The following NYAP2 variants were observed in gnomAD, a reference collection of about 807,000 sequenced individuals.
NYAP2 encodes the protein neuronal tyrosine-phosphorylated phosphoinositide-3-kinase adaptor 2.
In NYAP2, 23 loss-of-function variants were observed where a neutral mutation model predicts 50.4. The observed-to-expected ratio is 0.46, with a 90% CI of 0.33 to 0.65. NYAP2 has a LOEUF of 0.65. NYAP2 is among the 30% of genes least tolerant of loss of function. The pLI, the probability that NYAP2 is intolerant of heterozygous loss-of-function variation, is 0.02. For missense variants in NYAP2, 885 were observed against 861.0 expected (o/e 1.03, Z -0.35); for synonymous variants, 394 against 365.2 (o/e 1.08, Z -0.90).
the NYAP2 span, among the ~76,000 whole-genome samples, chr2:225,692,142 A>C: frequency 6.6e-6 from 1 of 152,140 alleles, no homozygotes; most frequent in African/African-American, 2.4e-5. Flanking sequence ...TTGATAAATT[A>C]TTGTTTTTCA....
Position 225,533,702 on chromosome 2 carries a change from A to G in NYAP2, c.523+20030A>G, listed in dbSNP as rs560136956. On this transcript the variant is annotated intron_variant, in intron 4 of 6. Transcript: ENST00000636099. ...AGACTCTGTCTCAAAAAAAAAAAGTACATAGAAATGAAATTCAAATTAGAG... is the reference window on the plus strand; with the variant it reads ...AGACTCTGTCTCAAAAAAAAAAAGTGCATAGAAATGAAATTCAAATTAGAG... Among the ~76,000 whole-genome samples the G allele has an allele frequency of 7.2e-5, 11 of 152,190 alleles. No homozygotes were observed. The South Asian group carries it at 8.3e-4, about 11-fold the overall frequency.
At chr2:225,655,394 G>A (rs1029058153), downstream of NYAP2, among the ~76,000 whole-genome samples, 3 of 152,114 alleles carry the variant, frequency 2.0e-5, no homozygotes, top group South Asian at 2.1e-4. Context: ...ATGCAGCCAC[G>A]TTTCTGCATT....
chr2:225,489,476 G>A (rs1455013679), intron 3 of NYAP2, among the ~76,000 whole-genome samples: 1 of 152,094 alleles, frequency 6.6e-6, no homozygotes, highest in East Asian at 1.9e-4. Flanking sequence ...GAGATTACAG[G>A]TGTGAGTCAT....
intron 3 of NYAP2, among the ~76,000 whole-genome samples, chr2:225,470,987 A>C (rs553533799): frequency 3.9e-5 from 6 of 152,236 alleles, no homozygotes; most frequent in African/African-American, 1.2e-4. Flanking sequence ...GCAATGTAAA[A>C]AAGATGCTAA....
intron 4 of NYAP2, among the ~76,000 whole-genome samples, chr2:225,561,986 A>G (rs1218956597): frequency 6.6e-6 from 1 of 151,982 alleles, no homozygotes; most frequent in African/African-American, 2.4e-5. Flanking sequence ...AAAGTTCTGG[A>G]CCTAACTGGA....
At chr2:225,652,788 C>T (rs1295527266) in exon 7 of NYAP2, 1 of 152,122 alleles carries the variant, frequency 6.6e-6, no homozygotes, top group Non-Finnish European at 1.5e-5. Flanking sequence ...ATTTTAAAAA[C>T]ATAACTAAGT....
At chr2:225,658,091 A>G (rs576900279), downstream of NYAP2, among the ~76,000 whole-genome samples, 20 of 152,312 alleles carry the variant, frequency 1.3e-4, 1 homozygote, top group East Asian at 3.1e-3. Context: ...TTGTATGCTC[A>G]TGATTACACC....
intron 4 of NYAP2, among the ~76,000 whole-genome samples, chr2:225,573,448 C>A (rs750944936): frequency 2.2e-4 from 33 of 152,034 alleles, no homozygotes; most frequent in Admixed American, 7.9e-4. Context: ...GACGGGGTTT[C>A]ACTATGTTGG....
At chr2:225,454,337 CAAAACA>C (rs951264184) in intron 3 of NYAP2, among the ~76,000 whole-genome samples, 8 of 151,920 alleles carry the variant, frequency 5.3e-5, no homozygotes, top group African/African-American at 1.5e-4. Flanking sequence ...TCTCAAAAAA[CAAAACA>C]AAAACAAAAA....
chr2:225,507,938 G>T (rs558765160), intron 3 of NYAP2, among the ~76,000 whole-genome samples: 1 of 152,202 alleles, frequency 6.6e-6, no homozygotes, highest in Non-Finnish European at 1.5e-5. Flanking sequence ...ATAACTCCAT[G>T]ATTCCAGTGC....
At chr2:225,436,734 A>T in intron 3 of NYAP2, among the ~76,000 whole-genome samples, 1 of 137,836 alleles carries the variant, frequency 7.3e-6, no homozygotes. Context: ...TTTCTTCTGT[A>T]TAGTCAAAAA....
rs553779491 is a variant in NYAP2, at chr2:225,436,438, C to T, written c.221+27337C>T. 6.6e-5 allele frequency among the ~76,000 whole-genome samples: 10 copies of T among 152,298 alleles called. No individual in the cohort carries two copies. In the South Asian group the frequency reaches 2.1e-3, roughly 32 times the overall value. ...GTTTGTGGAAGCATCACTCTGATCTCTGGTTTCATCTTTACCTGGCATTTT... is the reference window on the plus strand; with the variant it reads ...GTTTGTGGAAGCATCACTCTGATCTTTGGTTTCATCTTTACCTGGCATTTT... On this transcript the variant is annotated intron_variant, in intron 3 of 6. Coordinates refer to ENST00000636099, the Ensembl canonical transcript of NYAP2.
intron 3 of NYAP2, among the ~76,000 whole-genome samples, chr2:225,420,790 C>G (rs1025190211): frequency 6.6e-6 from 1 of 151,518 alleles, no homozygotes; most frequent in African/African-American, 2.4e-5. Flanking sequence ...TTTGTATTTC[C>G]TTTTTCATAT....
At chr2:225,619,588 G>A (rs1166110270) in intron 5 of NYAP2, among the ~76,000 whole-genome samples, 2 of 152,136 alleles carry the variant, frequency 1.3e-5, no homozygotes, top group Non-Finnish European at 2.9e-5. Context: ...AGGAAACCAA[G>A]TCTTCCTAGG....
chr2:225,692,870 T>TAC, the NYAP2 span, among the ~76,000 whole-genome samples: 9,289 of 132,764 alleles, frequency 0.07, 622 homozygotes, highest in African/African-American at 0.17. Flanking sequence ...TCTTTAAACA[T>TAC]ACACACACAC....
At chr2:225,476,001 G>T (rs1038103196) in intron 3 of NYAP2, among the ~76,000 whole-genome samples, 1 of 152,268 alleles carries the variant, frequency 6.6e-6, no homozygotes, top group South Asian at 2.1e-4. Context: ...CTATTTAATG[G>T]AATAATTTAT....
chr2:225,538,258 C>T (rs966629702), intron 4 of NYAP2, among the ~76,000 whole-genome samples: 19 of 152,178 alleles, frequency 1.2e-4, no homozygotes, highest in African/African-American at 4.6e-4. Flanking sequence ...CATGTGGGGG[C>T]TCCAACCCCA....
the NYAP2 span, among the ~76,000 whole-genome samples, chr2:225,687,922 G>A: frequency 5.3e-5 from 8 of 152,096 alleles, no homozygotes; most frequent in Non-Finnish European, 8.8e-5. Context: ...GTGGTGCTCA[G>A]CCTATCATCC....
intron 4 of NYAP2, among the ~76,000 whole-genome samples, chr2:225,528,300 T>C (rs1205865920): frequency 6.6e-6 from 1 of 152,184 alleles, no homozygotes; most frequent in Non-Finnish European, 1.5e-5. Flanking sequence ...ATAATAGAAA[T>C]ATCACAATAC....
Sources: allele counts gnomAD v4.1 joint callset (sites outside exome capture counted in the v4.1 genomes callset), GRCh38; gene constraint gnomAD v4.1.1; transcripts MANE v1.5; gene names NCBI Gene and HGNC (gene_info 2026-07-23, HGNC 2026-07-21).